Variants in MCPH1 observed in about 807,000 individuals in gnomAD.
MCPH1 encodes the protein microcephalin 1, also known as microcephalin.
Under a neutral mutation model 84.5 loss-of-function variants are expected in MCPH1, and 104 were observed. The ratio of observed to expected loss-of-function variants is 1.23; its 90% CI spans 1.05 to 1.45. The LOEUF is 1.45. Ranked by LOEUF, MCPH1 falls within the 40% of genes most tolerant of loss-of-function variation. The pLI is 0.00. For synonymous variants in MCPH1, 514 were observed against 366.8 expected (o/e 1.40, Z -4.58); for missense variants, 1,498 against 1,005.7 (o/e 1.49, Z -6.62).
intron 12 of MCPH1, among the ~76,000 whole-genome samples, chr8:6,594,916 C>G (rs1170661206): frequency 2.6e-5 from 4 of 152,214 alleles, no homozygotes; most frequent in African/African-American, 9.6e-5. Context: ...TCCTTCTCTT[C>G]AGGGGCTCCA....
intron 6 of MCPH1, among the ~76,000 whole-genome samples, 160 bp downstream of exon 6, chr8:6,439,256 CATT>C (rs777293773): frequency 6.6e-6 from 1 of 151,920 alleles, no homozygotes; most frequent in Non-Finnish European, 1.5e-5. Context: ...TCTTATGCAT[CATT>C]AAGATTTTTG....
chr8:6,527,590 C>G, intron 12 of MCPH1: 1 of 1,613,990 alleles, frequency 6.2e-7, no homozygotes, highest in Non-Finnish European at 8.5e-7. Flanking sequence ...TTTCACTGGT[C>G]TGGTCCAAAA....
chr8:6,607,767 A>G lies in MCPH1; in HGVS notation c.2215-13687A>G, dbSNP rs139131352. Among the ~76,000 whole-genome samples, 283 of 152,292 alleles carry G rather than the reference A, an allele frequency of 1.9e-3. 4 individuals carry two copies. Among genetic ancestry groups the G allele is most frequent in the African/African-American group, 6.7e-3 (279 of 41,556 alleles). ...TTTTCTCTCTTGTCTGCTGCCATGT[A>G]AGACATGCTGTCCACCTTCTGCCGT... is the stretch of plus-strand genomic sequence containing the variant. On this transcript the variant is annotated intron_variant, in intron 12 of 13. Transcript: ENST00000344683.
At chr8:6,473,745 A>T in intron 9 of MCPH1, 1 of 597,752 alleles carries the variant, frequency 1.7e-6, no homozygotes, top group Non-Finnish European at 2.7e-6. Flanking sequence ...GTCCTGCAAC[A>T]TGAGTTTAAT....
At chr8:6,477,533 T>A (rs1334107234) in intron 9 of MCPH1, 61 bp from the exon 10 acceptor site, 14 of 1,464,502 alleles carry the variant, frequency 9.6e-6, no homozygotes, top group Non-Finnish European at 1.1e-5. Flanking sequence ...TTTATTTCTG[T>A]GGGAAAAATA....
chr8:6,576,722 T>TC (rs1827151404), intron 12 of MCPH1, among the ~76,000 whole-genome samples: 1 of 91,506 alleles, frequency 1.1e-5, no homozygotes, highest in African/African-American at 5.0e-5. Flanking sequence ...TTTTTTTTTT[T>TC]TTTTTAGTAG....
intron 12 of MCPH1, among the ~76,000 whole-genome samples, chr8:6,602,638 A>C (rs1829461203): frequency 6.6e-6 from 1 of 151,718 alleles, no homozygotes; most frequent in African/African-American, 2.4e-5. Flanking sequence ...ATTCCTGGTC[A>C]CCCTTTGTTG....
At chr8:6,633,221 A>C (rs998034456) in intron 13 of MCPH1, among the ~76,000 whole-genome samples, 4 of 152,170 alleles carry the variant, frequency 2.6e-5, no homozygotes, top group Non-Finnish European at 5.9e-5. Flanking sequence ...AATAAAAAAA[A>C]ATTACAAGAA....
At chr8:6,527,705 A>T in intron 12 of MCPH1, 1 of 1,566,168 alleles carries the variant, frequency 6.4e-7, no homozygotes, top group Non-Finnish European at 8.6e-7. Context: ...AGTTCCTATT[A>T]ATTATTTTTT....
At chr8:6,440,101 AGAC>A (rs774118620) in intron 6 of MCPH1, among the ~76,000 whole-genome samples, 12 of 152,216 alleles carry the variant, frequency 7.9e-5, no homozygotes, top group Non-Finnish European at 1.5e-4. Context: ...TAGTTGTTGT[AGAC>A]CTATTTTTGT....
At chr8:6,532,562 C>A in intron 12 of MCPH1, 1 of 948,298 alleles carries the variant, frequency 1.1e-6, no homozygotes, top group Non-Finnish European at 1.4e-6. Flanking sequence ...TTTGTCGTCT[C>A]CTCCCTATCT....
chr8:6,523,857 A>G (rs2515454), intron 12 of MCPH1, among the ~76,000 whole-genome samples: 11,372 of 150,456 alleles, frequency 0.076, 513 homozygotes, highest in African/African-American at 0.12. Flanking sequence ...AAAGTGCTGG[A>G]ATTACAGGCA....
chr8:6,621,991 G>A (rs1831477135), intron 13 of MCPH1: 1 of 434,268 alleles, frequency 2.3e-6, no homozygotes, highest in Non-Finnish European at 4.5e-6. Context: ...ACCCCTGTGG[G>A]CACAGACTCT....
intron 4 of MCPH1, among the ~76,000 whole-genome samples, chr8:6,432,594 T>A (rs1802008215): frequency 6.6e-6 from 1 of 152,262 alleles, no homozygotes; most frequent in Non-Finnish European, 1.5e-5. Flanking sequence ...CAGCTTGTTT[T>A]CACATGAGAT....
In MCPH1 at chr8:6,645,319, T is replaced by C. The variant is rs1382262904; in HGVS notation, c.*2270T>C. ...TTGCTAGACATTACACTAAGCACATTATATGTTGTACTTCATTTTACCCTT... is the reference window on the plus strand; with the variant it reads ...TTGCTAGACATTACACTAAGCACATCATATGTTGTACTTCATTTTACCCTT... On this transcript the variant is annotated 3_prime_UTR_variant, in exon 14 of 14. Transcript: ENST00000344683. 6.6e-6 allele frequency: 1 copy of C among 152,138 alleles called. No individual in the cohort carries two copies. 9.4% of individuals were successfully genotyped at this position (152,138 alleles called of 1,614,324 possible).
chr8:6,482,798 G>T (rs1809403188), intron 11 of MCPH1, among the ~76,000 whole-genome samples: 1 of 152,172 alleles, frequency 6.6e-6, no homozygotes, highest in African/African-American at 2.4e-5. Context: ...GGGATTACCT[G>T]ATATGATAAA....
chr8:6,598,384 C>G (rs987477455), intron 12 of MCPH1, among the ~76,000 whole-genome samples: 3 of 152,162 alleles, frequency 2.0e-5, no homozygotes, highest in Non-Finnish European at 4.4e-5. Flanking sequence ...GCCCCGAACC[C>G]AAAGACAGAG....
chr8:6,532,016 G>A (rs951207410), intron 12 of MCPH1, among the ~76,000 whole-genome samples: 6 of 152,134 alleles, frequency 3.9e-5, no homozygotes, highest in South Asian at 2.1e-4. Flanking sequence ...AATGATTCCC[G>A]GAGTCCAGAA....
At chr8:6,527,547 G>T in intron 12 of MCPH1, 1 of 1,612,866 alleles carries the variant, frequency 6.2e-7, no homozygotes, top group Non-Finnish European at 8.5e-7. Flanking sequence ...TTTTAGTACT[G>T]TTATTACCTG....
Sources: gnomAD v4.1 joint callset for allele counts (sites outside exome capture counted in the v4.1 genomes callset) on GRCh38, gnomAD v4.1.1 for gene constraint, MANE v1.5 for transcripts, NCBI Gene and HGNC (gene_info 2026-07-23, HGNC 2026-07-21) for gene names.